The following ZNF112 variants were observed in gnomAD, a reference collection of about 807,000 sequenced individuals.
ZNF112 encodes zinc finger protein 112.
A neutral mutation model predicts 77.7 loss-of-function variants in ZNF112; 37 were observed. That is an observed-to-expected ratio of 0.48 (90% CI 0.37 to 0.63). ZNF112 has a LOEUF of 0.63. Among genes scored for constraint, ZNF112 ranks in the 20% least tolerant of loss-of-function variants. The probability of loss-of-function intolerance (pLI) is 0.00; values close to 1 mark genes in which losing one functional copy is unlikely to be tolerated. For missense variants in ZNF112, 950 were observed against 1,077.4 expected, an observed-to-expected ratio of 0.88 and a Z score of 1.66; for synonymous variants, 333 against 363.6, an observed-to-expected ratio of 0.92 and a Z score of 0.96.
In ZNF112 at chr19:44,329,296, C is replaced by T. The variant is rs537897337; in HGVS notation, c.861G>A (p.Lys287=). The change falls in exon 4 of 4, where the codon AAG becomes AAA. Residue 287 remains lysine (K), a synonymous_variant. Coordinates refer to ENST00000354340, the MANE Select transcript of ZNF112 (RefSeq NM_013380.4). ...GAAGAAGTGAACTATAATTACAGCC[C>T]TTTCCACATGAACTGTATGTATAGG... The part of the protein sequence containing the change: ...GKPYTYSSCG[K]GCNYSSLLHI... 54 of 1,614,006 alleles carry T rather than the reference C, an allele frequency of 3.3e-5. No individual in the cohort carries two copies. The Admixed American group carries it at 6.5e-4, about 19-fold the overall frequency.
At chr19:44,365,185 G>T (rs1970891538) in intron 1 of ZNF112, among the ~76,000 whole-genome samples, 1 of 152,102 alleles carries the variant, frequency 6.6e-6, no homozygotes, top group South Asian at 2.1e-4. Flanking sequence ...CAGGTGCAGT[G>T]TCTCAAGCCT....
chr19:44,360,949 C>T (rs200314484), upstream of ZNF112, among the ~76,000 whole-genome samples: 1 of 152,096 alleles, frequency 6.6e-6, no homozygotes, highest in Non-Finnish European at 1.5e-5. Context: ...TGAGAATACT[C>T]CAGATGTCTA....
chr19:44,328,594 G>C lies in ZNF112; in HGVS notation c.1563C>G (p.Cys521Trp). 6.2e-7 allele frequency: 1 copy of C among 1,613,708 alleles called. No homozygotes were observed. The highest frequency in any genetic ancestry group is 8.5e-7 in the Non-Finnish European group (1 of 1,179,908). The change falls in exon 4 of 4, where the codon TGC becomes TGG. Residue 521 changes from cysteine to tryptophan, a missense_variant. Cys to Trp is a radical substitution (Grantham distance 215). Transcript: ENST00000354340. ...GATTGAAACCTTTGCCGCATATATT[G>C]CATTTGTATGGCTTCTGTCCAGTGT... is the stretch of plus-strand genomic sequence containing the variant. ...RVHTGQKPYK[C>W]NICGKGFNHR... is the part of the protein sequence containing the mutation.
intron 3 of ZNF112, among the ~76,000 whole-genome samples, chr19:44,333,336 C>T (rs1970305119): frequency 6.6e-6 from 1 of 152,176 alleles, no homozygotes; most frequent in Admixed American, 6.5e-5. Flanking sequence ...CTGAGATCAC[C>T]TTCCGTTCTT....
intron 1 of ZNF112, among the ~76,000 whole-genome samples, chr19:44,350,828 C>CA (rs1238291906): frequency 6.6e-6 from 1 of 152,068 alleles, no homozygotes; most frequent in Non-Finnish European, 1.5e-5. Flanking sequence ...CCTAACCTTC[C>CA]ATTGAAAGTG....
chr19:44,357,154 A>G (rs762142185), upstream of ZNF112, among the ~76,000 whole-genome samples: 3 of 152,120 alleles, frequency 2.0e-5, no homozygotes, highest in Non-Finnish European at 4.4e-5. Flanking sequence ...TAGCCATCCA[A>G]TTTTATACTG....
chr19:44,350,769 G>C (rs914703632), intron 1 of ZNF112, among the ~76,000 whole-genome samples: 3 of 152,042 alleles, frequency 2.0e-5, no homozygotes, highest in Non-Finnish European at 1.5e-5. Context: ...CAAGCGCAAA[G>C]GACCTTTCTG....
chr19:44,359,090 A>G (rs1970827901), upstream of ZNF112, among the ~76,000 whole-genome samples: 1 of 152,130 alleles, frequency 6.6e-6, no homozygotes, highest in Non-Finnish European at 1.5e-5. Context: ...TAGATGTCTA[A>G]GTCCTAACAC....
chr19:44,337,925 C>T (rs543946542), intron 2 of ZNF112, among the ~76,000 whole-genome samples: 27 of 143,028 alleles, frequency 1.9e-4, no homozygotes, highest in African/African-American at 6.7e-4. Flanking sequence ...ATAGATACTA[C>T]AGTGACCATA....
intron 1 of ZNF112, among the ~76,000 whole-genome samples, chr19:44,364,958 T>C (rs926100962): frequency 6.6e-6 from 1 of 152,158 alleles, no homozygotes; most frequent in Non-Finnish European, 1.5e-5. Context: ...TTTGTCTTGT[T>C]TGGTATTATC....
intron 3 of ZNF112, among the ~76,000 whole-genome samples, chr19:44,335,748 G>A (rs1970354073): frequency 6.6e-6 from 1 of 152,224 alleles, no homozygotes; most frequent in Non-Finnish European, 1.5e-5. Flanking sequence ...GTAGGACCCT[G>A]AATCTTAACC....
At chr19:44,356,093 A>G (rs1379211003) in intron 1 of ZNF112, among the ~76,000 whole-genome samples, 2 of 152,210 alleles carry the variant, frequency 1.3e-5, no homozygotes, top group Non-Finnish European at 2.9e-5. Context: ...GAAAAGGGCC[A>G]GGGATACTCT....
intron 1 of ZNF112, among the ~76,000 whole-genome samples, chr19:44,365,660 T>A (rs1235684674): frequency 6.6e-6 from 1 of 152,154 alleles, no homozygotes; most frequent in Non-Finnish European, 1.5e-5. Context: ...AATGTTCCTT[T>A]ATAATCCTTT....
In ZNF112 at chr19:44,328,427, C is replaced by G; in HGVS notation, c.1730G>C (p.Cys577Ser). 1 of 1,614,114 alleles carries G rather than the reference C, an allele frequency of 6.2e-7. No homozygotes were observed. Among genetic ancestry groups the G allele is most frequent in the Non-Finnish European group, 8.5e-7 (1 of 1,180,008 alleles). ...ACTGAACCCCTTCCCACATTCCTCA[C>G]ATTTATAAGGTTTTTCTCCAGTGTG... ...RVHTGEKPYK[C>S]EECGKGFSRN... Residue 577 changes from cysteine (C) to serine (S), a missense_variant, in exon 4 of 4, where the codon TGT becomes TCT. By Grantham distance (112) the Cys-to-Ser change is moderately radical. This residue lies in a region of ZNF112 where 373 missense variants were observed against 482.8 expected (regional missense o/e 0.77). Transcript: ENST00000354340.
At chr19:44,334,519 G>A (rs1440175906) in intron 3 of ZNF112, among the ~76,000 whole-genome samples, 2 of 152,224 alleles carry the variant, frequency 1.3e-5, no homozygotes, top group African/African-American at 4.8e-5. Context: ...ATGCCTCCAG[G>A]GCATTTCAGA....
chr19:44,351,844 C>T (rs1305886751), intron 1 of ZNF112, among the ~76,000 whole-genome samples: 3 of 151,866 alleles, frequency 2.0e-5, no homozygotes, highest in South Asian at 2.1e-4. Flanking sequence ...GATATCACTA[C>T]GGACTTAACA....
rs1043144600 is a variant in ZNF112 at position 44,326,939 on chromosome 19, A to G, written c.*494T>C. The G allele has an allele frequency of 6.5e-6, 1 of 154,772 alleles. No individual in the cohort carries two copies. The highest frequency in any genetic ancestry group is 1.4e-5 in the Non-Finnish European group (1 of 69,580). The allele number at this position is 154,772 out of a possible 1,614,324, so 9.6% of individuals were successfully genotyped here. On this transcript the variant is annotated 3_prime_UTR_variant, in exon 4 of 4. Coordinates refer to ENST00000354340, the MANE Select transcript of ZNF112 (RefSeq NM_013380.4). ...ATGCTTATTGTTCTACATTTCAAATATTTACTTGAAATGATTTTATTAAGA... is the reference window on the plus strand; with the variant it reads ...ATGCTTATTGTTCTACATTTCAAATGTTTACTTGAAATGATTTTATTAAGA...
chr19:44,329,790 T>C lies in ZNF112; in HGVS notation c.367A>G (p.Lys123Glu), dbSNP rs1365610181. 2.5e-6 allele frequency: 4 copies of C among 1,613,970 alleles called. No individual in the cohort carries two copies. Among genetic ancestry groups the C allele is most frequent in the Non-Finnish European group, 3.4e-6 (4 of 1,179,994 alleles). ...CCTTGTTCTTGCAACTGAGAATTCTTCCCTTGAAAAACTTTCAGGAAATCT... is the reference window on the plus strand; with the variant it reads ...CCTTGTTCTTGCAACTGAGAATTCTCCCCTTGAAAAACTTTCAGGAAATCT... The part of the protein sequence containing the change: ...CQDFLKVFQG[K>E]NSQLQEQGNS... The change falls in exon 4 of 4, where the codon AAG becomes GAG. Residue 123 changes from lysine (K) to glutamate (E), a missense_variant. By Grantham distance (56) the Lys-to-Glu change is moderately conservative. Coordinates refer to ENST00000354340, the MANE Select transcript of ZNF112 (RefSeq NM_013380.4).
Position 44,329,227 on chromosome 19 carries a change from T to C in ZNF112, c.930A>G (p.Ser310=). 1 of 1,613,878 alleles carries C rather than the reference T, an allele frequency of 6.2e-7. No homozygotes were observed. Among genetic ancestry groups the C allele is most frequent in the Non-Finnish European group, 8.5e-7 (1 of 1,179,976 alleles). The change falls in exon 4 of 4, where the codon TCA becomes TCG. Residue 310 remains serine (S), a synonymous_variant. Coordinates refer to ENST00000354340, the MANE Select transcript of ZNF112 (RefSeq NM_013380.4). ...GCACTCTCTGATAGGATTTCAGATGTGAATTCTCAATATCATCTTCTCTCT... is the reference window on the plus strand; with the variant it reads ...GCACTCTCTGATAGGATTTCAGATGCGAATTCTCAATATCATCTTCTCTCT... ...NIEREDDIEN[S]HLKSYQRVHT... is the part of the protein sequence containing the mutation.
Sources: allele counts gnomAD v4.1 joint callset (sites outside exome capture counted in the v4.1 genomes callset), GRCh38; gene constraint gnomAD v4.1.1; regional missense constraint gnomAD v4.1.1; transcripts MANE v1.5; gene names NCBI Gene and HGNC (gene_info 2026-07-23, HGNC 2026-07-21).